The following WWOX variants were observed in gnomAD, a reference collection of about 807,000 sequenced individuals.
The protein encoded by WWOX is WW domain containing oxidoreductase.
A neutral mutation model predicts 46.2 loss-of-function variants in WWOX; 69 were observed. That is an observed-to-expected ratio of 1.49 (90% CI 1.23 to 1.82). WWOX has a LOEUF of 1.82. WWOX is among the 40% of genes most tolerant of loss of function. WWOX has a pLI of 0.00. For synonymous variants in WWOX, 359 were observed against 202.6 expected (o/e 1.77, Z -6.56); for missense variants, 919 against 542.6 (o/e 1.69, Z -6.89).
At chr16:78,534,862 C>A (rs1011094426) in intron 8 of WWOX, among the ~76,000 whole-genome samples, 3 of 151,924 alleles carry the variant, frequency 2.0e-5, no homozygotes, top group Admixed American at 2.0e-4. Flanking sequence ...TACAGGTGCG[C>A]GCTATCATGC....
intron 6 of WWOX, among the ~76,000 whole-genome samples, chr16:78,391,139 G>A (rs142769600): frequency 6.6e-6 from 1 of 152,164 alleles, no homozygotes; most frequent in African/African-American, 2.4e-5. Flanking sequence ...GCCTTCTGTG[G>A]GAGATGGGGA....
At chr16:78,437,847 C>G (rs1230426626) in intron 8 of WWOX, among the ~76,000 whole-genome samples, 1 of 152,164 alleles carries the variant, frequency 6.6e-6, no homozygotes, top group African/African-American at 2.4e-5. Context: ...GACTCTAGAG[C>G]ATTCTTTTAT....
intron 5 of WWOX, among the ~76,000 whole-genome samples, chr16:78,170,443 CAAT>C (rs1466741950): frequency 7.9e-5 from 12 of 152,244 alleles, no homozygotes; most frequent in African/African-American, 2.4e-4. Context: ...TTAATAACAA[CAAT>C]AATAATATTT....
intron 8 of WWOX, among the ~76,000 whole-genome samples, chr16:78,806,220 TC>T (rs1567573175): frequency 6.6e-6 from 1 of 152,080 alleles, no homozygotes; most frequent in African/African-American, 2.4e-5. Flanking sequence ...TTGAACTTTT[TC>T]CTCTCAGGAT....
chr16:79,111,779 T>C (rs961622105), intron 8 of WWOX, among the ~76,000 whole-genome samples: 3 of 152,106 alleles, frequency 2.0e-5, no homozygotes, highest in South Asian at 2.1e-4. Context: ...CAAAGAACAA[T>C]TGATTATGAT....
chr16:78,600,747 T>A (rs1002638521), intron 8 of WWOX, among the ~76,000 whole-genome samples: 2 of 152,230 alleles, frequency 1.3e-5, no homozygotes, highest in African/African-American at 4.8e-5. Flanking sequence ...GTCTGGACAC[T>A]GAGAGAATTC....
chr16:79,005,785 C>T (rs1013623657), intron 8 of WWOX, among the ~76,000 whole-genome samples: 1 of 152,134 alleles, frequency 6.6e-6, no homozygotes, highest in Non-Finnish European at 1.5e-5. Context: ...ATTCTGAGGC[C>T]CTGGGTGGAC....
intron 6 of WWOX, among the ~76,000 whole-genome samples, chr16:78,389,376 G>A (rs990303952): frequency 6.6e-6 from 1 of 152,152 alleles, no homozygotes; most frequent in Admixed American, 6.5e-5. Context: ...GGTGGCCCTG[G>A]AAGCCACAGT....
At chr16:78,330,886 C>T (rs2080740587) in intron 5 of WWOX, among the ~76,000 whole-genome samples, 1 of 152,200 alleles carries the variant, frequency 6.6e-6, no homozygotes, top group South Asian at 2.1e-4. Context: ...AGATGATATG[C>T]ATGTTCTTAT....
intron 5 of WWOX, among the ~76,000 whole-genome samples, chr16:78,385,161 A>ACACACACACACACACACACACACACACAC (rs1555530195): frequency 1.3e-5 from 2 of 151,536 alleles, no homozygotes; most frequent in Admixed American, 6.6e-5. Flanking sequence ...ACACACACAC[A>ACACACACACACACACACACACACACACAC]AAAGCACAGG....
At chr16:78,524,391 T>C (rs568941353) in intron 8 of WWOX, among the ~76,000 whole-genome samples, 3 of 57,222 alleles carry the variant, frequency 5.2e-5, no homozygotes, top group African/African-American at 7.9e-5. Context: ...AGATTTCATT[T>C]ATTTATTTAT....
At chr16:78,870,283 A>C (rs1388420766) in intron 8 of WWOX, among the ~76,000 whole-genome samples, 6 of 152,160 alleles carry the variant, frequency 3.9e-5, no homozygotes, top group African/African-American at 9.7e-5. Context: ...TCTTTGACTA[A>C]ATAAATGTAT....
chr16:78,995,132 T>C (rs2047930), intron 8 of WWOX, among the ~76,000 whole-genome samples: 149,540 of 152,040 alleles, frequency 0.98, 73,609 homozygotes, highest in East Asian at 1. Flanking sequence ...CTCTGATCAC[T>C]CCTTTTTGTG....
intron 8 of WWOX, among the ~76,000 whole-genome samples, chr16:79,041,679 A>T (rs2047974284): frequency 1.3e-5 from 2 of 152,166 alleles, no homozygotes; most frequent in South Asian, 2.1e-4. Context: ...AGAAGCCATC[A>T]CTGCAAATGG....
At chr16:78,121,775 T>G (rs930512140) in intron 4 of WWOX, among the ~76,000 whole-genome samples, 4 of 151,926 alleles carry the variant, frequency 2.6e-5, no homozygotes, top group Non-Finnish European at 5.9e-5. Context: ...GATTCTCATG[T>G]CTCAGCCTCC....
At chr16:79,077,297 C>T (rs2048675941) in intron 8 of WWOX, 1 of 152,124 alleles carries the variant, frequency 6.6e-6, no homozygotes, top group Non-Finnish European at 1.5e-5. Flanking sequence ...TTTTGACAAA[C>T]ATCCGAATTC....
chr16:78,266,888 C>G (rs887827010), intron 5 of WWOX, among the ~76,000 whole-genome samples: 2 of 150,476 alleles, frequency 1.3e-5, no homozygotes, highest in African/African-American at 4.9e-5. Context: ...ATCCAAATCT[C>G]AACTTGAATT....
At chr16:78,949,491 T>A (rs1213098264) in intron 8 of WWOX, among the ~76,000 whole-genome samples, 1 of 152,164 alleles carries the variant, frequency 6.6e-6, no homozygotes, top group East Asian at 1.9e-4. Context: ...TTCAATAGAA[T>A]TGCTTTTGTG....
intron 8 of WWOX, among the ~76,000 whole-genome samples, chr16:78,984,981 A>G (rs549256147): frequency 6.6e-6 from 1 of 152,152 alleles, no homozygotes; most frequent in African/African-American, 2.4e-5. Context: ...ATACTGGGCA[A>G]AAGGAAAAAA....
Sources: allele counts gnomAD v4.1 joint callset (sites outside exome capture counted in the v4.1 genomes callset), GRCh38; gene constraint gnomAD v4.1.1; transcripts MANE v1.5; gene names NCBI Gene and HGNC (gene_info 2026-07-23, HGNC 2026-07-21).